The following SORBS2 variants were observed in gnomAD, a reference collection of about 807,000 sequenced individuals.
The protein encoded by SORBS2 is sorbin and SH3 domain containing 2, also known as sorbin and SH3 domain-containing protein 2.
Under a neutral mutation model 97.7 loss-of-function variants are expected in SORBS2, and 46 were observed. The ratio of observed to expected loss-of-function variants is 0.47; its 90% CI spans 0.37 to 0.60. The LOEUF (loss-of-function observed/expected upper bound fraction) is 0.60, where lower values mean the gene tolerates loss of function less well. Among genes scored for constraint, SORBS2 ranks in the 20% least tolerant of loss-of-function variants. The pLI is 0.00. For missense variants in SORBS2, 1,316 were observed against 1,282.3 expected (o/e 1.03, Z -0.40); for synonymous variants, 476 against 473.4 (o/e 1.01, Z -0.07).
intron 12 of SORBS2, among the ~76,000 whole-genome samples, chr4:185,601,215 C>A (rs891815290): frequency 2.0e-5 from 3 of 152,220 alleles, no homozygotes; most frequent in African/African-American, 7.2e-5. Flanking sequence ...ATGCTTGATG[C>A]TCTCCACATC....
intron 1 of SORBS2, among the ~76,000 whole-genome samples, chr4:185,896,665 C>A (rs1330111610): frequency 3.3e-5 from 5 of 152,134 alleles, no homozygotes; most frequent in East Asian, 1.9e-4. Context: ...ATTCACTGCT[C>A]TTTTCTAAAC....
intron 1 of SORBS2, among the ~76,000 whole-genome samples, chr4:185,909,505 A>G (rs2099253655): frequency 6.6e-6 from 1 of 152,218 alleles, no homozygotes; most frequent in Admixed American, 6.5e-5. Flanking sequence ...TCCACATGAC[A>G]AAATTACACT....
At chr4:185,936,858 C>T (rs1405855473) in intron 1 of SORBS2, among the ~76,000 whole-genome samples, 8 of 152,178 alleles carry the variant, frequency 5.3e-5, no homozygotes, top group Non-Finnish European at 8.8e-5. Flanking sequence ...ACAGCATGCA[C>T]GGCACGGCAC....
At chr4:185,624,581 T>C in intron 6 of SORBS2, 87 bp from the exon 19 acceptor site, 3 of 1,372,938 alleles carry the variant, frequency 2.2e-6, no homozygotes, top group Non-Finnish European at 2.9e-6. Flanking sequence ...CAGTAAAGCA[T>C]CAGACAGCAT....
At chr4:185,598,707 G>A (rs895161883) in intron 12 of SORBS2, among the ~76,000 whole-genome samples, 10 of 152,020 alleles carry the variant, frequency 6.6e-5, no homozygotes, top group Non-Finnish European at 8.8e-5. Context: ...ACCAGAATTC[G>A]ATGAAATTCT....
chr4:185,586,749 A>C, exon 15 of SORBS2: 1 of 152,586 alleles, frequency 6.6e-6, no homozygotes, highest in East Asian at 1.9e-4. Flanking sequence ...ACCTCTCACT[A>C]ACACTGCTTT....
At chr4:185,785,908 A>G (rs764826326) in intron 1 of SORBS2, among the ~76,000 whole-genome samples, 5 of 152,222 alleles carry the variant, frequency 3.3e-5, no homozygotes, top group Non-Finnish European at 4.4e-5. Flanking sequence ...ATTACCTTAA[A>G]GCATTAAGAA....
chr4:185,615,789 C>T (rs2096617605), intron 9 of SORBS2, among the ~76,000 whole-genome samples: 1 of 152,104 alleles, frequency 6.6e-6, no homozygotes, highest in African/African-American at 2.4e-5. Flanking sequence ...AGTGCAAAGA[C>T]ATATGCCAAT....
At chr4:185,779,845 T>C (rs902299033) in intron 1 of SORBS2, among the ~76,000 whole-genome samples, 1 of 152,102 alleles carries the variant, frequency 6.6e-6, no homozygotes, top group African/African-American at 2.4e-5. Context: ...AGCAAGACCA[T>C]CTGAAACACT....
chr4:185,827,744 T>TCATCATCATCAC, intron 1 of SORBS2, among the ~76,000 whole-genome samples: 1 of 41,888 alleles, frequency 2.4e-5, no homozygotes, highest in Non-Finnish European at 5.3e-5. Flanking sequence ...ATCATCACCA[T>TCATCATCATCAC]CATCACCATC....
chr4:185,772,816 T>C (rs2098979107), intron 2 of SORBS2: 1 of 152,158 alleles, frequency 6.6e-6, no homozygotes, highest in African/African-American at 2.4e-5. Flanking sequence ...ACTAATACAA[T>C]AAAGCCTCAA....
intron 1 of SORBS2, among the ~76,000 whole-genome samples, chr4:185,861,825 C>G (rs759609393): frequency 9.9e-5 from 15 of 152,072 alleles, no homozygotes; most frequent in Non-Finnish European, 1.9e-4. Context: ...TTTTGAACTC[C>G]TGACCTCATG....
chr4:185,950,213 T>A (rs898054576), intron 1 of SORBS2, among the ~76,000 whole-genome samples: 1 of 151,310 alleles, frequency 6.6e-6, no homozygotes, highest in Admixed American at 6.6e-5. Flanking sequence ...GATTGTGCCA[T>A]TGCACTCCAC....
intron 4 of SORBS2, among the ~76,000 whole-genome samples, chr4:185,676,406 G>T (rs1281329731): frequency 6.6e-6 from 1 of 152,198 alleles, no homozygotes; most frequent in Non-Finnish European, 1.5e-5. Context: ...TGCTATGAGA[G>T]AATTCTACAC....
At chr4:185,760,783 A>G (rs2098879967) in intron 2 of SORBS2, among the ~76,000 whole-genome samples, 2 of 152,204 alleles carry the variant, frequency 1.3e-5, no homozygotes, top group African/African-American at 4.8e-5. Flanking sequence ...CCTTCTCATT[A>G]GTTGCATGAG....
At chr4:185,700,213 T>C (rs1166890785) in intron 2 of SORBS2, among the ~76,000 whole-genome samples, 1 of 152,334 alleles carries the variant, frequency 6.6e-6, no homozygotes, top group Non-Finnish European at 1.5e-5. Context: ...TATAATTAAA[T>C]CAATGTCTAA....
rs1469481479 is a variant in SORBS2, at chr4:185,606,988, G to A, written c.2796+4792C>T. 4.0e-6 allele frequency: 4 copies of A among 997,748 alleles called. No homozygotes were observed. In the East Asian group the frequency reaches 4.5e-4, roughly 111 times the overall value. 61.8% of individuals were successfully genotyped at this position (997,748 alleles called of 1,614,324 possible). A position where few individuals can be genotyped will look rare whatever the true frequency, so the allele number is the denominator to read the frequency against. On this transcript the variant is annotated intron_variant, in intron 12 of 14. Coordinates refer to ENST00000418609, the Ensembl canonical transcript of SORBS2. The surrounding 1 kb of genome is among the most constrained non-coding windows in gnomAD (Gnocchi z 4.3). Reference sequence around the variant, plus strand: ...AGTTGTCGTTCTGGGATCCTGAAGAGGCTCTGCATGGTAAGGCTGGGCTGC... The same window carrying A: ...AGTTGTCGTTCTGGGATCCTGAAGAAGCTCTGCATGGTAAGGCTGGGCTGC...
chr4:185,940,291 G>A (rs1299734077), intron 1 of SORBS2, among the ~76,000 whole-genome samples: 1 of 152,178 alleles, frequency 6.6e-6, no homozygotes, highest in East Asian at 1.9e-4. Flanking sequence ...CCACTTGCAG[G>A]ATCCCAAATG....
chr4:185,857,188 C>T (rs772260593), intron 1 of SORBS2, among the ~76,000 whole-genome samples: 5 of 152,148 alleles, frequency 3.3e-5, no homozygotes, highest in Non-Finnish European at 7.4e-5. Flanking sequence ...AGCAGAAGAA[C>T]ATAAATTGTG....
Sources: gnomAD v4.1 joint callset for allele counts (sites outside exome capture counted in the v4.1 genomes callset) on GRCh38, gnomAD v4.1.1 for gene constraint, Gnocchi (gnomAD v3.1) non-coding constraint, MANE v1.5 for transcripts, NCBI Gene and HGNC (gene_info 2026-07-23, HGNC 2026-07-21) for gene names.